Variants in LRFN5 observed in about 807,000 individuals in gnomAD.
LRFN5 encodes the protein leucine-rich repeat and fibronectin type-III domain-containing protein 5.
LRFN5 carries 24 observed loss-of-function variants against 45.6 expected under a neutral mutation model. The ratio of observed to expected loss-of-function variants is 0.53; its 90% confidence interval spans 0.38 to 0.74. LRFN5 has a LOEUF of 0.74. LRFN5 is among the 30% of genes least tolerant of loss of function. The probability of loss-of-function intolerance (pLI) is 0.00; values close to 1 mark genes in which losing one functional copy is unlikely to be tolerated. For synonymous variants in LRFN5, 340 were observed against 313.8 expected, an observed-to-expected ratio of 1.08 and a Z score of -0.88; for missense variants, 776 against 861.5, an observed-to-expected ratio of 0.90 and a Z score of 1.24.
chr14:41,660,912 C>A (rs1232922476), intron 1 of LRFN5, among the ~76,000 whole-genome samples: 1 of 151,510 alleles, frequency 6.6e-6, no homozygotes, highest in East Asian at 1.9e-4. Context: ...ACAGCCATTA[C>A]TGTTTTTCTC....
chr14:41,673,906 C>A (rs1881410262), intron 1 of LRFN5, among the ~76,000 whole-genome samples: 2 of 148,588 alleles, frequency 1.3e-5, no homozygotes, highest in East Asian at 4.2e-4. Context: ...ACTGATCCCC[C>A]CACCTCCCTC....
chr14:41,671,654 T>C (rs1217100660), intron 1 of LRFN5, among the ~76,000 whole-genome samples: 1 of 123,236 alleles, frequency 8.1e-6, no homozygotes, highest in Non-Finnish European at 1.7e-5. Flanking sequence ...TTTCCTCTTA[T>C]TGCCCAGGCT....
intron 1 of LRFN5, among the ~76,000 whole-genome samples, chr14:41,630,213 A>G (rs1038884233): frequency 2.6e-5 from 4 of 152,118 alleles, no homozygotes; most frequent in African/African-American, 9.7e-5. Context: ...ATCAATAAAG[A>G]AGTAAGGGGA....
intron 2 of LRFN5, among the ~76,000 whole-genome samples, chr14:41,875,227 A>T (rs1057329831): frequency 1.3e-5 from 2 of 152,182 alleles, no homozygotes; most frequent in Admixed American, 1.3e-4. Flanking sequence ...TTTCCCACTT[A>T]CTTCTGCACA....
intron 2 of LRFN5, among the ~76,000 whole-genome samples, chr14:41,805,194 C>A (rs758548554): frequency 2.0e-4 from 30 of 150,638 alleles, no homozygotes; most frequent in Non-Finnish European, 4.1e-4. Context: ...TGGATGTCAG[C>A]AAATGTCTGA....
chr14:41,627,382 CTT>C (rs1292617695), intron 1 of LRFN5, among the ~76,000 whole-genome samples: 2 of 152,002 alleles, frequency 1.3e-5, no homozygotes, highest in Non-Finnish European at 2.9e-5. Context: ...AAAAATGAAA[CTT>C]TATAAAAAAT....
chr14:41,904,120 T>C, intron 5 of LRFN5, 38 bp from the exon 6 acceptor site: 1 of 1,514,978 alleles, frequency 6.6e-7, no homozygotes, highest in Non-Finnish European at 9.1e-7. Context: ...TTTCTTCCTT[T>C]CTTTCTTTTT....
At chr14:41,614,215 A>C (rs1887855041) in intron 1 of LRFN5, among the ~76,000 whole-genome samples, 1 of 152,096 alleles carries the variant, frequency 6.6e-6, no homozygotes, top group South Asian at 2.1e-4. Flanking sequence ...ATTAAAATAC[A>C]TATAATTTAT....
At chr14:41,760,714 C>G (rs1885623997) in intron 1 of LRFN5, among the ~76,000 whole-genome samples, 1 of 150,338 alleles carries the variant, frequency 6.7e-6, no homozygotes, top group South Asian at 2.1e-4. Context: ...AGAAGGGAAT[C>G]AGGGAGGGAT....
chr14:41,830,708 T>C (rs560980454), intron 2 of LRFN5, among the ~76,000 whole-genome samples: 1 of 152,276 alleles, frequency 6.6e-6, no homozygotes, highest in South Asian at 2.1e-4. Context: ...CTGGGGATGC[T>C]GACTTGCCAG....
intron 1 of LRFN5, among the ~76,000 whole-genome samples, chr14:41,659,634 C>T (rs118064958): frequency 0.33 from 50,098 of 151,918 alleles, 8,848 homozygotes; most frequent in African/African-American, 0.46. Context: ...CACACTGTCT[C>T]CCACAATGTT....
At chr14:41,728,457 A>G (rs1884028027) in intron 1 of LRFN5, among the ~76,000 whole-genome samples, 1 of 152,208 alleles carries the variant, frequency 6.6e-6, no homozygotes. Flanking sequence ...TTCCATTTCA[A>G]AAATGATGGA....
intron 1 of LRFN5, among the ~76,000 whole-genome samples, chr14:41,635,298 T>G (rs1039703371): frequency 7.9e-5 from 12 of 152,288 alleles, no homozygotes; most frequent in African/African-American, 2.6e-4. Context: ...ATGTCTTAGT[T>G]TGAATACATT....
intron 2 of LRFN5, among the ~76,000 whole-genome samples, chr14:41,774,157 C>T (rs1886193602): frequency 6.6e-6 from 1 of 152,144 alleles, no homozygotes; most frequent in Non-Finnish European, 1.5e-5. Flanking sequence ...ACATTAGATG[C>T]ATGACAACAA....
At chr14:41,646,931 T>C (rs1182834274) in intron 1 of LRFN5, among the ~76,000 whole-genome samples, 1 of 152,200 alleles carries the variant, frequency 6.6e-6, no homozygotes, top group East Asian at 1.9e-4. Flanking sequence ...CTTGAGCATA[T>C]CTAAATTGAG....
intron 1 of LRFN5, among the ~76,000 whole-genome samples, chr14:41,678,883 C>A (rs1195708206): frequency 6.6e-6 from 1 of 152,176 alleles, no homozygotes; most frequent in African/African-American, 2.4e-5. Context: ...CACCTACACA[C>A]ACCTCCCCCA....
intron 2 of LRFN5, among the ~76,000 whole-genome samples, chr14:41,866,726 T>C (rs1162974860): frequency 6.6e-6 from 1 of 152,154 alleles, no homozygotes; most frequent in East Asian, 1.9e-4. Flanking sequence ...CAAGCTCCTT[T>C]ATAGAGAAAA....
At chr14:41,695,791 G>C (rs1329259660) in intron 1 of LRFN5, among the ~76,000 whole-genome samples, 1 of 151,986 alleles carries the variant, frequency 6.6e-6, no homozygotes, top group Non-Finnish European at 1.5e-5. Flanking sequence ...AGCTCTGATA[G>C]AGATGTACGA....
chr14:41,641,639 A>G (rs954914766), intron 1 of LRFN5, among the ~76,000 whole-genome samples: 2 of 152,074 alleles, frequency 1.3e-5, no homozygotes, highest in African/African-American at 4.8e-5. Flanking sequence ...TGCTCTTTAA[A>G]TTCCATAAAT....
Sources: gnomAD v4.1 joint callset for allele counts (sites outside exome capture counted in the v4.1 genomes callset) on GRCh38, gnomAD v4.1.1 for gene constraint, MANE v1.5 for transcripts, NCBI Gene and HGNC (gene_info 2026-07-23, HGNC 2026-07-21) for gene names.